YME1L1: variants seen among roughly 807,000 people sequenced by gnomAD.
YME1L1 encodes the protein YME1 like 1 ATPase.
Under a neutral mutation model 90.4 loss-of-function variants are expected in YME1L1, and 39 were observed. The observed-to-expected ratio is 0.43, with a 90% CI of 0.33 to 0.56. The LOEUF (loss-of-function observed/expected upper bound fraction) is 0.56, where lower values mean the gene tolerates loss of function less well. Among genes scored for constraint, YME1L1 ranks in the 20% least tolerant of loss-of-function variants. The probability of loss-of-function intolerance (pLI) is 0.03; values close to 1 mark genes in which losing one functional copy is unlikely to be tolerated. For missense variants in YME1L1, 617 were observed against 868.4 expected (o/e 0.71, Z 3.64); for synonymous variants, 284 against 287.3 (o/e 0.99, Z 0.12).
intron 4 of YME1L1, among the ~76,000 whole-genome samples, chr10:27,136,679 C>A (rs2057030928): frequency 6.6e-6 from 1 of 151,384 alleles, no homozygotes; most frequent in Non-Finnish European, 1.5e-5. Context: ...TTTTTTCTAT[C>A]CTCCTTTTTT....
intron 2 of YME1L1, among the ~76,000 whole-genome samples, chr10:27,148,199 A>ATATT (rs60147959): frequency 0.24 from 35,693 of 150,444 alleles, 4,742 homozygotes; most frequent in East Asian, 0.56. Flanking sequence ...TTACATTTTT[A>ATATT]TATTTATTTA....
intron 7 of YME1L1, among the ~76,000 whole-genome samples, chr10:27,132,250 G>A (rs1406436179): frequency 6.6e-6 from 1 of 152,032 alleles, no homozygotes; most frequent in African/African-American, 2.4e-5. Context: ...ACAGGCATGC[G>A]CCACCAAACC....
chr10:27,154,077 A>AT (rs1171215149), intron 1 of YME1L1, 101 bp downstream of exon 1: 18 of 1,456,902 alleles, frequency 1.2e-5, no homozygotes, highest in African/African-American at 1.4e-5. Context: ...ACATCACTTC[A>AT]TTTCTAGAGT....
intron 13 of YME1L1, 127 bp from the exon 14 acceptor site, chr10:27,119,576 G>A: frequency 1.4e-5 from 14 of 1,004,762 alleles, no homozygotes; most frequent in South Asian, 5.6e-5. Flanking sequence ...TGGGAGGCTG[G>A]GGCAGGCAGA....
intron 2 of YME1L1, 73 bp from the exon 3 acceptor site, chr10:27,145,663 A>G: frequency 2.5e-6 from 3 of 1,218,202 alleles, no homozygotes; most frequent in Non-Finnish European, 3.4e-6. Context: ...ACATATTATC[A>G]GTTAAAACAA....
intron 7 of YME1L1, among the ~76,000 whole-genome samples, chr10:27,132,934 A>C (rs1194798813): frequency 6.6e-6 from 1 of 152,240 alleles, no homozygotes; most frequent in Non-Finnish European, 1.5e-5. Flanking sequence ...TAATGATAGA[A>C]ATCTTAAATC....
At chr10:27,145,064 C>G (rs12772181) in intron 3 of YME1L1, among the ~76,000 whole-genome samples, 13,628 of 152,162 alleles carry the variant, frequency 0.09, 781 homozygotes, top group East Asian at 0.28. Context: ...TGGTGTGAAC[C>G]CGGGAGGCGG....
chr10:27,124,797 A>G (rs1045964061), intron 9 of YME1L1, among the ~76,000 whole-genome samples: 1 of 152,218 alleles, frequency 6.6e-6, no homozygotes, highest in Non-Finnish European at 1.5e-5. Context: ...TAAAGGTGGT[A>G]TGTGGAATGT....
chr10:27,147,426 CT>C, intron 2 of YME1L1: 2 of 1,613,268 alleles, frequency 1.2e-6, no homozygotes, highest in Non-Finnish European at 1.7e-6. Context: ...AGAACCTGAA[CT>C]AAGCCGTGAC....
At chr10:27,132,082 A>G (rs2056982589) in intron 7 of YME1L1, 141 bp from the exon 8 acceptor site, 2 of 622,384 alleles carry the variant, frequency 3.2e-6, no homozygotes, top group Admixed American at 6.4e-5. Context: ...AGAGTGAGGA[A>G]TAGAAACTAG....
chr10:27,128,137 A>G (rs777244274), intron 8 of YME1L1, among the ~76,000 whole-genome samples: 2 of 152,178 alleles, frequency 1.3e-5, no homozygotes, highest in Non-Finnish European at 2.9e-5. Flanking sequence ...AAATGCCCTT[A>G]TTAATATTTT....
At chr10:27,121,351 A>C in intron 12 of YME1L1, 35 bp downstream of exon 12, 1 of 1,458,630 alleles carries the variant, frequency 6.9e-7, no homozygotes, top group Non-Finnish European at 9.6e-7. Flanking sequence ...GTAGCATGTA[A>C]CAGTACTTCA....
chr10:27,148,935 C>A lies in YME1L1; in HGVS notation c.139G>T (p.Val47Phe), dbSNP rs11015572. Residue 47 changes from valine to phenylalanine, a missense_variant, in exon 2 of 19, where the codon GTT becomes TTT. Physicochemically the swap from Val to Phe is conservative, Grantham distance 50 (BLOSUM62 -1). Around this residue, in one of 4 missense-constraint regions of YME1L1, gnomAD observed 311 missense variants for 335.8 expected, o/e 0.93. Transcript: ENST00000376016. ...SVSQNQHRDVVPEHEAPSSEP... is the reference protein window; with the variant it reads ...SVSQNQHRDVFPEHEAPSSEP... The stretch of plus-strand genomic sequence containing the variant: ...CTGCTGGGAGCCTCATGCTCAGGAA[C>A]TACATCTCGATGCTGGTTTTGAGAA... 6 of 1,613,850 alleles carry A rather than the reference C, an allele frequency of 3.7e-6. No homozygotes were observed. The African/African-American group carries it at 6.7e-5, about 18-fold the overall frequency.
chr10:27,128,583 C>G (rs908727100), intron 8 of YME1L1, among the ~76,000 whole-genome samples: 6 of 151,566 alleles, frequency 4.0e-5, no homozygotes, highest in Admixed American at 6.6e-5. Flanking sequence ...ACCGCTCCCC[C>G]ACCCCCCAAA....
intron 14 of YME1L1, 113 bp downstream of exon 14, chr10:27,119,181 G>A (rs1049926222): frequency 9.3e-7 from 1 of 1,077,202 alleles, no homozygotes; most frequent in Non-Finnish European, 1.3e-6. Context: ...TTTAGAGTAA[G>A]ATTAGATTCA....
chr10:27,147,372 G>A (rs761766773), intron 2 of YME1L1: 338 of 1,524,154 alleles, frequency 2.2e-4, no homozygotes, highest in Non-Finnish European at 2.9e-4. Context: ...AAAGAAACTA[G>A]ACTGGATGAG....
At chr10:27,146,556 A>ACAT (rs1477393578) in intron 2 of YME1L1, 1 of 152,132 alleles carries the variant, frequency 6.6e-6, no homozygotes. Flanking sequence ...ACATGGTAAG[A>ACAT]CATCATCTTG....
Position 27,112,069 on chromosome 10 carries a change from T to C in YME1L1, c.2059A>G (p.Lys687Glu). Residue 687 changes from lysine to glutamate, a missense_variant, in exon 19 of 19, where the codon AAG (lysine) becomes GAG (glutamate). Coordinates refer to ENST00000376016, the MANE Select transcript of YME1L1 (RefSeq NM_014263.4). ...HILKTHAKEH[K>E]NLAEALLTYE... ...GTCAATAAAGCTTCTGCGAGATTCT[T>C]ATGCTCCTTTGCATGAGTTTTCAAG... is the stretch of plus-strand genomic sequence containing the variant. The C allele has an allele frequency of 1.2e-6, 2 of 1,614,104 alleles. No individual in the cohort carries two copies. The highest frequency in any genetic ancestry group is 1.7e-6 in the Non-Finnish European group (2 of 1,179,996).
chr10:27,145,809 AT>A, intron 2 of YME1L1: 1 of 334,960 alleles, frequency 3.0e-6, no homozygotes, highest in East Asian at 5.1e-5. Flanking sequence ...TATATTCCTA[AT>A]GGTATCCTTA....
Sources: allele counts gnomAD v4.1 joint callset (sites outside exome capture counted in the v4.1 genomes callset), GRCh38; gene constraint gnomAD v4.1.1; regional missense constraint gnomAD v4.1.1; transcripts MANE v1.5; gene names NCBI Gene and HGNC (gene_info 2026-07-23, HGNC 2026-07-21).